WWP2: variants seen among roughly 807,000 people sequenced by gnomAD.
WWP2 encodes NEDD4-like E3 ubiquitin-protein ligase WWP2.
Under a neutral mutation model 121.0 loss-of-function variants are expected in WWP2, and 57 were observed. That is an observed-to-expected ratio of 0.47 (90% confidence interval 0.38 to 0.59). The LOEUF is 0.59. Ranked by LOEUF, WWP2 falls within the 20% of genes least tolerant of loss-of-function variation. WWP2 has a pLI of 0.00. For missense variants in WWP2, 962 were observed against 1,158.9 expected (o/e 0.83, Z 2.47); for synonymous variants, 449 against 441.3 (o/e 1.02, Z -0.22).
chr16:69,820,644 T>C lies in WWP2; in HGVS notation c.341-19482T>C, dbSNP rs2056575268. Among the ~76,000 whole-genome samples, 2 of 132,808 alleles carry C rather than the reference T, an allele frequency of 1.5e-5. 1 individual carries two copies. Among genetic ancestry groups the C allele is most frequent in the Non-Finnish European group, 3.5e-5 (2 of 57,568 alleles). 87.1% of individuals were successfully genotyped at this position (132,808 alleles called of 152,430 possible). A position where few individuals can be genotyped will look rare whatever the true frequency, so the allele number is the denominator to read the frequency against. On this transcript the variant is annotated intron_variant, in intron 4 of 23. Transcript: ENST00000359154. ...GTGACTACTCCTCCCCAGCATTCCCTGTTTCTCTTCTCTGCTTTATTTTCT... is the reference window on the plus strand; with the variant it reads ...GTGACTACTCCTCCCCAGCATTCCCCGTTTCTCTTCTCTGCTTTATTTTCT...
intron 7 of WWP2, among the ~76,000 whole-genome samples, chr16:69,886,690 G>T (rs2057931509): frequency 6.6e-6 from 1 of 152,168 alleles, no homozygotes; most frequent in Non-Finnish European, 1.5e-5. Context: ...AACCTGGGAG[G>T]CAGAGGTTGC....
rs71151135 is a variant in WWP2 at position 69,793,911 on chromosome 16, C to CTTTTTT, written c.71-4751_71-4746dup. ...TTGGGAAGGGCTGTTATTATCCTTGCTTTTTTTTTTTTTTTTTTTTTTTTT... is the reference window on the plus strand; with the variant it reads ...TTGGGAAGGGCTGTTATTATCCTTGCTTTTTTTTTTTTTTTTTTTTTTTTTTTTTTT... On this transcript the variant is annotated intron_variant, in intron 2 of 23. Coordinates refer to ENST00000359154, the MANE Select transcript of WWP2 (RefSeq NM_001270454.2). Among the ~76,000 whole-genome samples the CTTTTTT allele has an allele frequency of 4.1e-3, 253 of 62,354 alleles. 11 individuals carry two copies. The highest frequency in any genetic ancestry group is 0.019 in the Middle Eastern group (1 of 52). The allele number at this position is 62,354 out of a possible 152,430, so 40.9% of individuals were successfully genotyped here.
intron 4 of WWP2, among the ~76,000 whole-genome samples, chr16:69,836,359 A>G (rs945415748): frequency 9.2e-5 from 14 of 151,546 alleles, no homozygotes; most frequent in Admixed American, 5.3e-4. Context: ...CAGTTATTGT[A>G]TGGATGTCTC....
intron 1 of WWP2, among the ~76,000 whole-genome samples, chr16:69,782,835 G>T (rs2055692484): frequency 6.6e-6 from 1 of 151,938 alleles, no homozygotes; most frequent in African/African-American, 2.4e-5. Flanking sequence ...TATTTAAATT[G>T]AAATTTAAAT....
intron 6 of WWP2, among the ~76,000 whole-genome samples, chr16:69,858,023 T>C (rs1192486899): frequency 1.3e-5 from 2 of 152,082 alleles, no homozygotes; most frequent in Non-Finnish European, 2.9e-5. Flanking sequence ...GAGTAGGATG[T>C]GGTGCAGATA....
chr16:69,789,089 G>A (rs2055853013), intron 2 of WWP2, among the ~76,000 whole-genome samples: 2 of 151,990 alleles, frequency 1.3e-5, no homozygotes, highest in South Asian at 4.2e-4. Context: ...ACAGAGTCTC[G>A]CTCTGTCGCC....
At chr16:69,889,834 G>A (rs144534264) in intron 8 of WWP2, among the ~76,000 whole-genome samples, 14 of 152,246 alleles carry the variant, frequency 9.2e-5, no homozygotes, top group East Asian at 1.9e-4. Flanking sequence ...CCTGTGAACC[G>A]TTGTGATTCA....
At chr16:69,870,615 G>A (rs1477140213) in intron 6 of WWP2, among the ~76,000 whole-genome samples, 1 of 152,150 alleles carries the variant, frequency 6.6e-6, no homozygotes, top group Non-Finnish European at 1.5e-5. Context: ...TTATTGTTGA[G>A]AGTAGTTTTA....
chr16:69,806,770 T>C (rs2056283866), intron 4 of WWP2, among the ~76,000 whole-genome samples: 1 of 152,166 alleles, frequency 6.6e-6, no homozygotes, highest in African/African-American at 2.4e-5. Flanking sequence ...TTTGTGTGTT[T>C]CCCCAGTTTT....
chr16:69,842,587 T>A (rs1295315529), intron 6 of WWP2, among the ~76,000 whole-genome samples: 1 of 152,224 alleles, frequency 6.6e-6, no homozygotes, highest in East Asian at 1.9e-4. Flanking sequence ...GTATTTGGTT[T>A]TCTGTTTCTG....
chr16:69,883,397 T>TGC (rs202199422), intron 7 of WWP2, among the ~76,000 whole-genome samples: 1,759 of 100,310 alleles, frequency 0.018, 18 homozygotes, highest in African/African-American at 0.067. Context: ...TCTAAGAATG[T>TGC]GCGCACACAC....
At chr16:69,931,021 C>T in intron 13 of WWP2, 131 bp from the exon 14 acceptor site, 2 of 802,266 alleles carry the variant, frequency 2.5e-6, no homozygotes, top group African/African-American at 1.7e-5. Context: ...ATCTTAATGA[C>T]AGTCACTTCC....
chr16:69,908,137 C>T (rs532021484), intron 8 of WWP2, among the ~76,000 whole-genome samples: 2 of 152,152 alleles, frequency 1.3e-5, no homozygotes, highest in Admixed American at 6.5e-5. Context: ...CCCAGCTACT[C>T]GGGAGGTTGA....
Position 69,935,755 on chromosome 16 carries a change from G to A in WWP2, c.1843-98G>A, listed in dbSNP as rs569668674. 258 of 1,506,380 alleles carry A rather than the reference G, an allele frequency of 1.7e-4. 2 individuals are homozygous for A. In the South Asian group the frequency reaches 3.0e-3, roughly 18 times the overall value. The allele number at this position is 1,506,380 out of a possible 1,614,324, so 93.3% of individuals were successfully genotyped here. A position where few individuals can be genotyped will look rare whatever the true frequency, so the allele number is the denominator to read the frequency against. ...TGTAGTTCTGTCAGGGAAGGAAGGC[G>A]GGTAGCGGTAGCAGAGTTTGATACC... On this transcript the variant is annotated intron_variant, in intron 17 of 23. Transcript: ENST00000359154. This position sits in a 1 kb window ranked among gnomAD's most constrained non-coding sequence, Gnocchi z 5.2.
At chr16:69,910,768 G>A (rs1248263911) in intron 9 of WWP2, among the ~76,000 whole-genome samples, 2 of 152,136 alleles carry the variant, frequency 1.3e-5, no homozygotes, top group African/African-American at 2.4e-5. Context: ...GACCCAGTGA[G>A]CATTTGCATG....
chr16:69,841,437 G>T (rs1265838904), intron 5 of WWP2, among the ~76,000 whole-genome samples: 1 of 152,128 alleles, frequency 6.6e-6, no homozygotes, highest in Non-Finnish European at 1.5e-5. Context: ...CCTGTGGTGG[G>T]AACAGAGGCA....
At chr16:69,827,673 C>T (rs2056726009) in intron 4 of WWP2, among the ~76,000 whole-genome samples, 1 of 152,180 alleles carries the variant, frequency 6.6e-6, no homozygotes, top group Admixed American at 6.5e-5. Flanking sequence ...TGATACCAGG[C>T]AACTGAGAGA....
chr16:69,939,500 G>C, intron 23 of WWP2, 87 bp downstream of exon 23: 1 of 1,428,040 alleles, frequency 7.0e-7, no homozygotes, highest in Non-Finnish European at 9.7e-7. Context: ...CAGCTTCATA[G>C]CCTCGAGTCT....
At chr16:69,791,389 G>A (rs752534568) in intron 2 of WWP2, among the ~76,000 whole-genome samples, 8 of 151,700 alleles carry the variant, frequency 5.3e-5, no homozygotes, top group African/African-American at 1.9e-4. Flanking sequence ...CACCACACCC[G>A]GCTAATTTTC....
Sources: gnomAD v4.1 joint callset for allele counts (sites outside exome capture counted in the v4.1 genomes callset) on GRCh38, gnomAD v4.1.1 for gene constraint, Gnocchi (gnomAD v3.1) non-coding constraint, MANE v1.5 for transcripts, NCBI Gene and HGNC (gene_info 2026-07-23, HGNC 2026-07-21) for gene names.